Variants in RYR2 observed in about 807,000 individuals in gnomAD.
RYR2 encodes the protein ryanodine receptor 2, also known as cardiac muscle ryanodine receptor-calcium release channel.
RYR2 carries 227 observed loss-of-function variants against 601.1 expected under a neutral mutation model. The ratio of observed to expected loss-of-function variants is 0.38; its 90% confidence interval spans 0.34 to 0.42. The LOEUF (loss-of-function observed/expected upper bound fraction) is 0.42. Among genes scored for constraint, RYR2 ranks in the 10% least tolerant of loss-of-function variants. The pLI is 1.00. For missense variants in RYR2, 4,646 were observed against 6,156.5 expected, an observed-to-expected ratio of 0.75 and a Z score of 8.21; for synonymous variants, 2,223 against 2,175.1, an observed-to-expected ratio of 1.02 and a Z score of -0.61.
intron 24 of RYR2, among the ~76,000 whole-genome samples, chr1:237,516,948 A>G (rs919276599): frequency 5.3e-5 from 8 of 152,160 alleles, no homozygotes; most frequent in Non-Finnish European, 7.3e-5. Context: ...TTCTGCACAC[A>G]GCAGCCTGAG....
chr1:237,688,108 C>T (rs2148971908), intron 63 of RYR2, among the ~76,000 whole-genome samples: 1 of 152,258 alleles, frequency 6.6e-6, no homozygotes, highest in Non-Finnish European at 1.5e-5. Context: ...TCCGGACAGC[C>T]ATGCAGGGTG....
intron 60 of RYR2, among the ~76,000 whole-genome samples, chr1:237,675,418 G>A (rs1297890155): frequency 3.9e-5 from 6 of 152,040 alleles, no homozygotes; most frequent in South Asian, 2.1e-4. Flanking sequence ...AGCAGCCTCC[G>A]GTCACTTCTG....
chr1:237,771,792 A>G (rs905683524), intron 85 of RYR2, among the ~76,000 whole-genome samples: 37 of 152,208 alleles, frequency 2.4e-4, no homozygotes, highest in African/African-American at 8.9e-4. Flanking sequence ...ATCTGAGACA[A>G]AAATTGAATA....
intron 22 of RYR2, among the ~76,000 whole-genome samples, chr1:237,504,983 G>A (rs1419589333): frequency 1.3e-5 from 2 of 152,202 alleles, no homozygotes; most frequent in African/African-American, 4.8e-5. Flanking sequence ...AGATGAGGAT[G>A]CCGTATAGGA....
intron 12 of RYR2, among the ~76,000 whole-genome samples, chr1:237,431,579 A>T (rs532422214): frequency 1.9e-3 from 283 of 152,278 alleles, no homozygotes; most frequent in African/African-American, 4.2e-3. Context: ...CTACTTTATT[A>T]TATTTGAATA....
chr1:237,197,871 G>T, intron 1 of RYR2, among the ~76,000 whole-genome samples: 1 of 152,232 alleles, frequency 6.6e-6, no homozygotes, highest in East Asian at 1.9e-4. Flanking sequence ...ATTGATCTAA[G>T]GATGTGAGTT....
chr1:237,066,917 G>A (rs1436151622), intron 1 of RYR2, among the ~76,000 whole-genome samples: 2 of 152,096 alleles, frequency 1.3e-5, no homozygotes, highest in African/African-American at 4.8e-5. Flanking sequence ...GATTACAGGC[G>A]TGAGCCACCG....
rs749610918 is a variant in RYR2, at chr1:237,801,302, G to A, written c.14091-554G>A. 5.4e-5 allele frequency among the ~76,000 whole-genome samples: 8 copies of A among 147,820 alleles called. No individual in the cohort carries two copies. The South Asian group carries it at 6.6e-4, about 12-fold the overall frequency. ...TCCCAGCACTTCGGGAGGCCAAAGCGGACAGATCCCCTGAGATCAGGAGTT... is the reference window on the plus strand; with the variant it reads ...TCCCAGCACTTCGGGAGGCCAAAGCAGACAGATCCCCTGAGATCAGGAGTT... On this transcript the variant is annotated intron_variant, in intron 97 of 104. Transcript: ENST00000366574.
At chr1:237,324,367 G>A (rs1572604748) in intron 2 of RYR2, among the ~76,000 whole-genome samples, 2 of 152,290 alleles carry the variant, frequency 1.3e-5, no homozygotes, top group South Asian at 4.1e-4. Flanking sequence ...ATCATTTGGG[G>A]AGAAGTCGAC....
At chr1:237,191,784 A>C (rs1679991650) in intron 1 of RYR2, among the ~76,000 whole-genome samples, 1 of 152,202 alleles carries the variant, frequency 6.6e-6, no homozygotes, top group Admixed American at 6.5e-5. Flanking sequence ...AAAAACCCTC[A>C]ATTAACAATT....
intron 1 of RYR2, among the ~76,000 whole-genome samples, chr1:237,231,639 T>A (rs181715493): frequency 1.3e-5 from 2 of 152,274 alleles, no homozygotes; most frequent in African/African-American, 4.8e-5. Flanking sequence ...CAGAACAGGA[T>A]TATGAACATA....
At chr1:237,145,418 G>C (rs926212978) in intron 1 of RYR2, among the ~76,000 whole-genome samples, 1 of 152,136 alleles carries the variant, frequency 6.6e-6, no homozygotes, top group African/African-American at 2.4e-5. Flanking sequence ...CAACTGGGTT[G>C]TTCCTGGTTT....
rs1011294627 is a variant in RYR2, at chr1:237,734,532, A to G, written c.11091+776A>G. ...GAGTATTGGGAACAGGTCCCATGGC[A>G]TAGTAGTGAGGTCTGCTTAAGGAAG... On this transcript the variant is annotated intron_variant, in intron 79 of 104. Coordinates refer to ENST00000366574, the MANE Select transcript of RYR2 (RefSeq NM_001035.3). 4.6e-5 allele frequency among the ~76,000 whole-genome samples: 7 copies of G among 152,200 alleles called. No homozygotes were observed. The East Asian group carries it at 7.7e-4, about 17-fold the overall frequency.
At chr1:237,795,198 T>C (rs1383384509) in intron 95 of RYR2, 91 bp from the exon 96 acceptor site, 1 of 619,768 alleles carries the variant, frequency 1.6e-6, no homozygotes, top group South Asian at 2.2e-5. Flanking sequence ...TGTTTACATA[T>C]TATTTTAAGT....
intron 24 of RYR2, among the ~76,000 whole-genome samples, chr1:237,515,540 A>C (rs549587243): frequency 6.6e-6 from 1 of 152,066 alleles, no homozygotes; most frequent in Non-Finnish European, 1.5e-5. Flanking sequence ...GAGACAAATA[A>C]CTGATAAGGG....
At chr1:237,724,312 T>C (rs1157424892) in intron 74 of RYR2, among the ~76,000 whole-genome samples, 1 of 150,744 alleles carries the variant, frequency 6.6e-6, no homozygotes, top group Non-Finnish European at 1.5e-5. Flanking sequence ...ATCATAGCAA[T>C]AATAAACATT....
chr1:237,718,661 G>A (rs1016221060), intron 73 of RYR2, 140 bp downstream of exon 73: 5 of 425,252 alleles, frequency 1.2e-5, no homozygotes, highest in Admixed American at 4.2e-5. Context: ...TACTTGCAAA[G>A]CCTTTTGTAT....
intron 16 of RYR2, among the ~76,000 whole-genome samples, chr1:237,461,362 C>T (rs570940923): frequency 6.6e-6 from 1 of 152,160 alleles, no homozygotes; most frequent in Non-Finnish European, 1.5e-5. Context: ...AGGGAGCTCT[C>T]ACACACTTCT....
chr1:237,263,262 C>T (rs17678801), intron 1 of RYR2, among the ~76,000 whole-genome samples: 7,114 of 152,188 alleles, frequency 0.047, 183 homozygotes, highest in African/African-American at 0.055. Context: ...AAAGAGACTC[C>T]ATCTGTCAGC....
Sources: gnomAD v4.1 joint callset for allele counts (sites outside exome capture counted in the v4.1 genomes callset) on GRCh38, gnomAD v4.1.1 for gene constraint, MANE v1.5 for transcripts, NCBI Gene and HGNC (gene_info 2026-07-23, HGNC 2026-07-21) for gene names.